The following CNTNAP2 variants were observed in gnomAD, a reference collection of about 807,000 sequenced individuals.
The protein encoded by CNTNAP2 is contactin associated protein 2.
Under a neutral mutation model 155.2 loss-of-function variants are expected in CNTNAP2, and 98 were observed. The ratio of observed to expected loss-of-function variants is 0.63; its 90% CI spans 0.54 to 0.75. CNTNAP2 has a LOEUF of 0.75. Ranked by LOEUF, CNTNAP2 falls within the 30% of genes least tolerant of loss-of-function variation. CNTNAP2 has a pLI of 0.00. For synonymous variants in CNTNAP2, 651 were observed against 631.2 expected (o/e 1.03, Z -0.47); for missense variants, 1,727 against 1,688.1 (o/e 1.02, Z -0.40).
chr7:148,077,032 G>A (rs1304298857), intron 15 of CNTNAP2, among the ~76,000 whole-genome samples: 1 of 152,116 alleles, frequency 6.6e-6, no homozygotes, highest in African/African-American at 2.4e-5. Context: ...TACAGGCGGG[G>A]CATGGTGGGT....
At chr7:147,500,085 ATTT>A (rs1229995396) in intron 11 of CNTNAP2, among the ~76,000 whole-genome samples, 21,250 of 151,110 alleles carry the variant, frequency 0.14, 1,734 homozygotes, top group Middle Eastern at 0.23. Context: ...CCAGAGCAAG[ATTT>A]TTTTTTAAAA....
At chr7:147,313,020 G>A (rs1278940183) in intron 9 of CNTNAP2, among the ~76,000 whole-genome samples, 1 of 138,760 alleles carries the variant, frequency 7.2e-6, no homozygotes, top group African/African-American at 2.9e-5. Context: ...CAGTGATGAT[G>A]AGCATTTTTT....
intron 17 of CNTNAP2, among the ~76,000 whole-genome samples, chr7:148,151,456 C>T (rs2116658499): frequency 6.6e-6 from 1 of 152,168 alleles, no homozygotes; most frequent in South Asian, 2.1e-4. Flanking sequence ...CAGGCATGTG[C>T]CACCGTGACT....
At chr7:148,259,221 T>G (rs1042864914) in intron 20 of CNTNAP2, among the ~76,000 whole-genome samples, 1 of 119,740 alleles carries the variant, frequency 8.4e-6, no homozygotes, top group Non-Finnish European at 1.6e-5. Context: ...CCAGGCATGG[T>G]GGTATGCACC....
At chr7:147,856,014 T>C (rs1799030474) in intron 13 of CNTNAP2, among the ~76,000 whole-genome samples, 1 of 152,158 alleles carries the variant, frequency 6.6e-6, no homozygotes, top group Non-Finnish European at 1.5e-5. Context: ...CAATAAAGAA[T>C]TGGTTTTTCT....
At chr7:147,850,331 G>T (rs903116810) in intron 13 of CNTNAP2, among the ~76,000 whole-genome samples, 13 of 152,132 alleles carry the variant, frequency 8.5e-5, no homozygotes, top group Non-Finnish European at 1.6e-4. Context: ...CGTGAAAATG[G>T]CCATACTGCC....
intron 4 of CNTNAP2, among the ~76,000 whole-genome samples, chr7:147,079,371 C>T (rs1800067340): frequency 6.6e-6 from 1 of 151,990 alleles, no homozygotes; most frequent in Non-Finnish European, 1.5e-5. Flanking sequence ...CTTCATCCCA[C>T]CGTTAGTGGG....
At chr7:146,905,640 C>CAACT (rs1796104778) in intron 3 of CNTNAP2, among the ~76,000 whole-genome samples, 2 of 152,198 alleles carry the variant, frequency 1.3e-5, no homozygotes, top group Non-Finnish European at 2.9e-5. Flanking sequence ...GACAGTCAAA[C>CAACT]AACTTTTCTT....
intron 1 of CNTNAP2, among the ~76,000 whole-genome samples, chr7:146,684,710 A>G (rs549852181): frequency 6.9e-6 from 1 of 145,906 alleles, no homozygotes; most frequent in Non-Finnish European, 1.5e-5. Flanking sequence ...TGGTGCAATT[A>G]CTATTATTAC....
At chr7:147,685,167 C>T (rs1795999930) in intron 13 of CNTNAP2, among the ~76,000 whole-genome samples, 1 of 151,988 alleles carries the variant, frequency 6.6e-6, no homozygotes, top group Non-Finnish European at 1.5e-5. Flanking sequence ...TTGCCATATG[C>T]TTTAAAACAG....
At chr7:147,629,591 C>A (rs893267488) in intron 12 of CNTNAP2, among the ~76,000 whole-genome samples, 10 of 151,980 alleles carry the variant, frequency 6.6e-5, no homozygotes, top group African/African-American at 2.4e-4. Flanking sequence ...CAAAACAAGT[C>A]TTGATAAACT....
At chr7:146,984,664 A>G (rs561850111) in intron 3 of CNTNAP2, among the ~76,000 whole-genome samples, 3 of 152,256 alleles carry the variant, frequency 2.0e-5, no homozygotes, top group South Asian at 4.1e-4. Flanking sequence ...CCTTCTCCCA[A>G]TGGTGTGGTT....
chr7:148,139,398 T>C (rs1805016424), intron 16 of CNTNAP2, among the ~76,000 whole-genome samples: 1 of 152,250 alleles, frequency 6.6e-6, no homozygotes, highest in South Asian at 2.1e-4. Flanking sequence ...ACTAAAGCTC[T>C]ATATCTAGTC....
intron 21 of CNTNAP2, among the ~76,000 whole-genome samples, chr7:148,278,460 C>T (rs950333269): frequency 6.6e-6 from 1 of 151,808 alleles, no homozygotes; most frequent in Non-Finnish European, 1.5e-5. Context: ...GTCCCAGCTA[C>T]TCGGGAGGCT....
chr7:146,480,555 T>G (rs902047446), intron 1 of CNTNAP2, among the ~76,000 whole-genome samples: 1 of 151,898 alleles, frequency 6.6e-6, no homozygotes, highest in African/African-American at 2.4e-5. Flanking sequence ...TAGTTATTCT[T>G]CGTCCCAGGT....
In CNTNAP2 at chr7:148,168,173, A is replaced by C. The variant is rs532447444; in HGVS notation, c.2774-4069A>C. Among the ~76,000 whole-genome samples the C allele has an allele frequency of 3.5e-3, 529 of 151,998 alleles. 3 individuals are homozygous for C. The highest frequency in any genetic ancestry group is 0.012 in the African/African-American group (503 of 41,430). ...GTGTGGCGATTCCTCAGGGATCTAGAACTAGAAATACCATTTGACCCAGCC... is the reference window on the plus strand; with the variant it reads ...GTGTGGCGATTCCTCAGGGATCTAGCACTAGAAATACCATTTGACCCAGCC... On this transcript the variant is annotated intron_variant, in intron 17 of 23. Transcript: ENST00000361727.
intron 15 of CNTNAP2, among the ~76,000 whole-genome samples, chr7:148,031,753 C>T (rs1396144630): frequency 6.6e-6 from 1 of 152,164 alleles, no homozygotes; most frequent in African/African-American, 2.4e-5. Flanking sequence ...GCCGAATTTA[C>T]ACAGTGCACC....
chr7:147,624,385 A>T (rs1180535612), intron 12 of CNTNAP2, among the ~76,000 whole-genome samples: 3 of 152,166 alleles, frequency 2.0e-5, no homozygotes, highest in Non-Finnish European at 2.9e-5. Flanking sequence ...CCAGAATATT[A>T]TATAAGGAGC....
intron 1 of CNTNAP2, among the ~76,000 whole-genome samples, chr7:146,142,654 T>G (rs1797897363): frequency 6.6e-6 from 1 of 152,200 alleles, no homozygotes; most frequent in African/African-American, 2.4e-5. Flanking sequence ...AGAAATAGAT[T>G]ACATGATTAC....
Sources: gnomAD v4.1 joint callset for allele counts (sites outside exome capture counted in the v4.1 genomes callset) on GRCh38, gnomAD v4.1.1 for gene constraint, MANE v1.5 for transcripts, NCBI Gene and HGNC (gene_info 2026-07-23, HGNC 2026-07-21) for gene names.